Variants in PIK3C2G observed in about 807,000 individuals in gnomAD.
PIK3C2G encodes the protein phosphatidylinositol-4-phosphate 3-kinase catalytic subunit type 2 gamma.
In PIK3C2G, 168 loss-of-function variants were observed where a neutral mutation model predicts 181.1. The observed-to-expected ratio is 0.93, with a 90% CI of 0.82 to 1.05. The LOEUF is 1.05. Ranked by LOEUF, PIK3C2G falls within the 50% of genes least tolerant of loss-of-function variation. The pLI is 0.00. For missense variants in PIK3C2G, 1,869 were observed against 1,732.8 expected (o/e 1.08, Z -1.40); for synonymous variants, 573 against 592.2 (o/e 0.97, Z 0.47).
chr12:18,610,370 T>C (rs1177681140), intron 31 of PIK3C2G, among the ~76,000 whole-genome samples: 2 of 152,118 alleles, frequency 1.3e-5, no homozygotes, highest in African/African-American at 4.8e-5. Flanking sequence ...CATAAATCTC[T>C]GAGGATGCCT....
At chr12:18,492,986 C>G (rs541399002) in intron 20 of PIK3C2G, 1 of 152,320 alleles carries the variant, frequency 6.6e-6, no homozygotes, top group Non-Finnish European at 1.5e-5. Context: ...GGTTGGGCAC[C>G]TATGGGTACA....
intron 31 of PIK3C2G, among the ~76,000 whole-genome samples, chr12:18,625,858 G>A (rs1040857136): frequency 6.6e-6 from 1 of 151,612 alleles, no homozygotes; most frequent in Non-Finnish European, 1.5e-5. Context: ...TTTGGTTTCA[G>A]TTTTCACAGA....
At chr12:18,498,836 A>G (rs547965427) in intron 22 of PIK3C2G, among the ~76,000 whole-genome samples, 1 of 152,328 alleles carries the variant, frequency 6.6e-6, no homozygotes, top group South Asian at 2.1e-4. Flanking sequence ...CACTCTAAAT[A>G]CTTTCTAAAT....
intron 18 of PIK3C2G, among the ~76,000 whole-genome samples, chr12:18,433,867 T>G (rs1169476611): frequency 6.6e-6 from 1 of 152,038 alleles, no homozygotes; most frequent in African/African-American, 2.4e-5. Context: ...CAGTAAGCAG[T>G]AGGGTACAGG....
At chr12:18,257,493 T>C (rs1207915051), upstream of PIK3C2G, among the ~76,000 whole-genome samples, 1 of 151,864 alleles carries the variant, frequency 6.6e-6, no homozygotes, top group African/African-American at 2.4e-5. Context: ...ATAAAAGCAA[T>C]CTCAGAATTA....
At chr12:18,642,769 C>A (rs1386375763) in intron 32 of PIK3C2G, among the ~76,000 whole-genome samples, 1 of 145,522 alleles carries the variant, frequency 6.9e-6, no homozygotes, top group Admixed American at 7.0e-5. Context: ...ATATTCGGGG[C>A]AGTTTTATAA....
intron 24 of PIK3C2G, among the ~76,000 whole-genome samples, chr12:18,510,880 T>G (rs1438971955): frequency 6.6e-6 from 1 of 152,126 alleles, no homozygotes; most frequent in African/African-American, 2.4e-5. Flanking sequence ...ATTTTTACAT[T>G]TATAATACAT....
the PIK3C2G span, among the ~76,000 whole-genome samples, chr12:18,722,892 C>A: frequency 6.6e-6 from 1 of 151,726 alleles, no homozygotes; most frequent in Non-Finnish European, 1.5e-5. Context: ...TCATTTAGCA[C>A]ATTTAATTTT....
At chr12:18,702,321 C>T in the PIK3C2G span, among the ~76,000 whole-genome samples, 1 of 152,182 alleles carries the variant, frequency 6.6e-6, no homozygotes, top group South Asian at 2.1e-4. Flanking sequence ...GTCCTTCAAA[C>T]TTAGAAGCAT....
intron 3 of PIK3C2G, among the ~76,000 whole-genome samples, chr12:18,290,392 A>G (rs1437654493): frequency 2.6e-5 from 4 of 152,216 alleles, no homozygotes; most frequent in Non-Finnish European, 5.9e-5. Context: ...ATGGAGAGAC[A>G]AAAATAGTGT....
At chr12:18,660,528 A>T in the PIK3C2G span, among the ~76,000 whole-genome samples, 1 of 152,112 alleles carries the variant, frequency 6.6e-6, no homozygotes, top group Middle Eastern at 3.2e-3. Context: ...AATTAAAAGC[A>T]ACCACATATA....
intron 18 of PIK3C2G, among the ~76,000 whole-genome samples, chr12:18,430,588 G>A (rs1400027311): frequency 2.0e-5 from 3 of 152,176 alleles, no homozygotes; most frequent in African/African-American, 4.8e-5. Flanking sequence ...CCTGGACTCA[G>A]CTGTGCACAT....
At chr12:18,490,498 A>G (rs1940461774) in intron 19 of PIK3C2G, among the ~76,000 whole-genome samples, 1 of 152,122 alleles carries the variant, frequency 6.6e-6, no homozygotes, top group African/African-American at 2.4e-5. Context: ...TTTTGTATCC[A>G]TTAACTATTC....
chr12:18,598,390 C>A (rs1209162781), intron 30 of PIK3C2G, among the ~76,000 whole-genome samples: 5 of 151,614 alleles, frequency 3.3e-5, no homozygotes, highest in East Asian at 1.9e-4. Context: ...GAAAAACAAG[C>A]AATGGGGAAA....
intron 14 of PIK3C2G, among the ~76,000 whole-genome samples, chr12:18,390,783 A>G (rs1943485657): frequency 6.6e-6 from 1 of 152,098 alleles, no homozygotes; most frequent in Admixed American, 6.5e-5. Context: ...TAACACCGAA[A>G]TGTAAAAAGG....
chr12:18,496,004 T>A, intron 20 of PIK3C2G, 58 bp from the exon 21 acceptor site: 3 of 862,444 alleles, frequency 3.5e-6, no homozygotes, highest in Middle Eastern at 4.5e-4. Context: ...GTTTGCTTTT[T>A]GGGGATTGGG....
chr12:18,427,745 G>T (rs1185423904), intron 18 of PIK3C2G, among the ~76,000 whole-genome samples: 1 of 151,648 alleles, frequency 6.6e-6, no homozygotes, highest in Non-Finnish European at 1.5e-5. Flanking sequence ...AAAAAGGTTG[G>T]AAGGGAAGCT....
intron 17 of PIK3C2G, among the ~76,000 whole-genome samples, chr12:18,422,388 T>C (rs1945538061): frequency 6.6e-6 from 1 of 152,130 alleles, no homozygotes; most frequent in South Asian, 2.1e-4. Context: ...TACCTTGAAT[T>C]TCAAACATTC....
intron 29 of PIK3C2G, among the ~76,000 whole-genome samples, chr12:18,587,285 C>A (rs1024579356): frequency 3.9e-5 from 6 of 152,064 alleles, no homozygotes; most frequent in Non-Finnish European, 8.8e-5. Context: ...TTGCAAATGG[C>A]ATGATACTAT....
Sources: gnomAD v4.1 joint callset for allele counts (sites outside exome capture counted in the v4.1 genomes callset) on GRCh38, gnomAD v4.1.1 for gene constraint, MANE v1.5 for transcripts, NCBI Gene and HGNC (gene_info 2026-07-23, HGNC 2026-07-21) for gene names.